Variants in CMTR1 observed in about 807,000 individuals in gnomAD.
CMTR1 encodes the protein cap-specific mRNA (nucleoside-2'-O-)-methyltransferase 1.
Under a neutral mutation model 107.0 loss-of-function variants are expected in CMTR1, and 39 were observed. The observed-to-expected ratio is 0.36, with a 90% CI of 0.28 to 0.48. The LOEUF (loss-of-function observed/expected upper bound fraction) is 0.48, where lower values mean the gene tolerates loss of function less well. Among genes scored for constraint, CMTR1 ranks in the 20% least tolerant of loss-of-function variants. CMTR1 has a pLI of 0.99. For synonymous variants in CMTR1, 366 were observed against 379.5 expected, an observed-to-expected ratio of 0.96 and a Z score of 0.41; for missense variants, 672 against 1,064.9, an observed-to-expected ratio of 0.63 and a Z score of 5.14.
intron 22 of CMTR1, 62 bp downstream of exon 22, chr6:37,478,583 G>A (rs1761789880): frequency 7.3e-7 from 1 of 1,374,516 alleles, no homozygotes; most frequent in Non-Finnish European, 1.0e-6. Flanking sequence ...GCCAGGTGAT[G>A]GGTCCAGACC....
At chr6:37,427,664 A>G in the CMTR1 span, among the ~76,000 whole-genome samples, 1 of 152,172 alleles carries the variant, frequency 6.6e-6, no homozygotes, top group Non-Finnish European at 1.5e-5. The surrounding 1 kb of genome is among the most constrained non-coding windows in gnomAD (Gnocchi z 4.4). Context: ...GCTATTTACC[A>G]CTTTTATTGC....
chr6:37,471,205 C>G (rs972265488), intron 14 of CMTR1, 128 bp downstream of exon 14: 1 of 772,292 alleles, frequency 1.3e-6, no homozygotes, highest in Admixed American at 2.9e-5. Context: ...TCATACTCTG[C>G]TATGGTCTCT....
At chr6:37,460,341 C>T (rs2113879674) in intron 10 of CMTR1, among the ~76,000 whole-genome samples, 1 of 152,330 alleles carries the variant, frequency 6.6e-6, no homozygotes, top group African/African-American at 2.4e-5. Flanking sequence ...CTCACCAAAG[C>T]ACTGTGCACA....
chr6:37,475,715 G>A (rs1472320608), intron 19 of CMTR1: 2 of 516,628 alleles, frequency 3.9e-6, no homozygotes, highest in Non-Finnish European at 3.5e-6. Context: ...GCGGGTAGAG[G>A]GGGTACTCCT....
chr6:37,466,260 G>A (rs1461695236), intron 13 of CMTR1, among the ~76,000 whole-genome samples: 1 of 151,520 alleles, frequency 6.6e-6, no homozygotes, highest in Non-Finnish European at 1.5e-5. Context: ...TTACAGGTGC[G>A]TGCCACCACG....
chr6:37,471,104 C>A, intron 14 of CMTR1, 27 bp downstream of exon 14: 1 of 1,559,094 alleles, frequency 6.4e-7, no homozygotes, highest in Non-Finnish European at 8.7e-7. Flanking sequence ...TTTCAGAAAC[C>A]ACCTATTTCA....
At chr6:37,451,305 A>C (rs960250190) in intron 5 of CMTR1, among the ~76,000 whole-genome samples, 1 of 152,174 alleles carries the variant, frequency 6.6e-6, no homozygotes. Context: ...TTACTGGTTT[A>C]GAGGTGGCTT....
At chr6:37,470,625 G>A (rs1421084436) in intron 13 of CMTR1, among the ~76,000 whole-genome samples, 1 of 152,120 alleles carries the variant, frequency 6.6e-6, no homozygotes, top group Non-Finnish European at 1.5e-5. Context: ...TTTATTAAAT[G>A]CCAGACATTG....
chr6:37,443,843 A>G (rs372093175), intron 2 of CMTR1, among the ~76,000 whole-genome samples, 156 bp from the exon 3 acceptor site: 1 of 152,210 alleles, frequency 6.6e-6, no homozygotes, highest in African/African-American at 2.4e-5. Flanking sequence ...TTACCTAGCT[A>G]GTAAGAGGTA....
At chr6:37,477,361 GC>G (rs1425550871) in intron 20 of CMTR1, among the ~76,000 whole-genome samples, 1 of 152,170 alleles carries the variant, frequency 6.6e-6, no homozygotes, top group African/African-American at 2.4e-5. Flanking sequence ...CTCCCCAGTT[GC>G]CCTGACGCAG....
chr6:37,445,421 G>T (rs1771761536), intron 3 of CMTR1, among the ~76,000 whole-genome samples: 1 of 151,136 alleles, frequency 6.6e-6, no homozygotes, highest in African/African-American at 2.4e-5. Context: ...AGAACTTACA[G>T]ATAGTTGTGG....
intron 4 of CMTR1, among the ~76,000 whole-genome samples, 158 bp from the exon 5 acceptor site, chr6:37,450,093 C>T (rs1411132418): frequency 6.6e-6 from 1 of 152,204 alleles, no homozygotes; most frequent in Non-Finnish European, 1.5e-5. Flanking sequence ...TTCTGGCTCT[C>T]ACGTCTCATG....
At chr6:37,476,103 C>CAG in intron 19 of CMTR1, 23 bp from the exon 20 acceptor site, 1 of 1,613,652 alleles carries the variant, frequency 6.2e-7, no homozygotes, top group Non-Finnish European at 8.5e-7. Context: ...GCTTGCCTCT[C>CAG]AGAGAGACTG....
chr6:37,476,842 G>A (rs1334175292), intron 20 of CMTR1, among the ~76,000 whole-genome samples: 1 of 152,168 alleles, frequency 6.6e-6, no homozygotes. Flanking sequence ...CATTGTTTTT[G>A]TTCTTTTTAA....
chr6:37,477,644 G>C lies in CMTR1; in HGVS notation c.2153+5G>C. ...GATGGAGAAGATTTTTGTCAGGTGA[G>C]TGACTTGACCGGTGAAGCTCAGATT... On this transcript the variant is annotated splice_donor_5th_base_variant and intron_variant, in intron 21 of 23. Coordinates refer to ENST00000373451, the MANE Select transcript of CMTR1 (RefSeq NM_015050.3). 1.2e-6 allele frequency: 2 copies of C among 1,612,034 alleles called. No individual in the cohort carries two copies. The highest frequency in any genetic ancestry group is 1.7e-6 in the Non-Finnish European group (2 of 1,178,524).
intron 12 of CMTR1, 139 bp downstream of exon 12, chr6:37,462,241 T>A: frequency 2.0e-6 from 2 of 1,008,236 alleles, no homozygotes; most frequent in Non-Finnish European, 3.0e-6. Context: ...CCAACAGGAT[T>A]CAGGATTCCT....
chr6:37,449,860 A>C (rs1487909971), intron 4 of CMTR1, among the ~76,000 whole-genome samples: 1 of 152,178 alleles, frequency 6.6e-6, no homozygotes, highest in Non-Finnish European at 1.5e-5. Context: ...ATAGACCTAC[A>C]TTGTATGCGA....
In CMTR1 at chr6:37,463,224, A is replaced by G. The variant is rs527554733; in HGVS notation, c.1505+216A>G. Among the ~76,000 whole-genome samples the G allele has an allele frequency of 4.1e-3, 617 of 152,286 alleles. 14 individuals are homozygous for G. The highest frequency in any genetic ancestry group is 9.7e-4 in the Non-Finnish European group (66 of 68,006). Reference sequence around the variant, plus strand: ...ATGCCCTATCCCAAGGGTGGCAGGTAGGTGCCTGGCTAGTATAGGCCTGCC... The same window carrying G: ...ATGCCCTATCCCAAGGGTGGCAGGTGGGTGCCTGGCTAGTATAGGCCTGCC... On this transcript the variant is annotated intron_variant, in intron 13 of 23. Coordinates refer to ENST00000373451, the MANE Select transcript of CMTR1 (RefSeq NM_015050.3).
rs778710428 is a variant in CMTR1, at chr6:37,481,168, C to G, written c.*1023C>G. ...GTCGTTAAGTGGTCACTCCCATTTC[C>G]TTTATCTTGGCCGACAACACAGAGA... is the stretch of plus-strand genomic sequence containing the variant. On this transcript the variant is annotated 3_prime_UTR_variant, in exon 24 of 24. Transcript: ENST00000373451. The G allele has an allele frequency of 8.4e-6, 11 of 1,302,310 alleles. No individual in the cohort carries two copies. Among genetic ancestry groups the G allele is most frequent in the Non-Finnish European group, 1.0e-5 (10 of 988,466 alleles). 80.7% of individuals were successfully genotyped at this position (1,302,310 alleles called of 1,614,324 possible). A position where few individuals can be genotyped will look rare whatever the true frequency, so the allele number is the denominator to read the frequency against.
Sources: gnomAD v4.1 joint callset for allele counts (sites outside exome capture counted in the v4.1 genomes callset) on GRCh38, gnomAD v4.1.1 for gene constraint, Gnocchi (gnomAD v3.1) non-coding constraint, MANE v1.5 for transcripts, NCBI Gene and HGNC (gene_info 2026-07-23, HGNC 2026-07-21) for gene names.